EHBP1: variants seen among roughly 807,000 people sequenced by gnomAD.
EHBP1 encodes EH domain-binding protein 1.
EHBP1 carries 55 observed loss-of-function variants against 144.0 expected under a neutral mutation model. The observed-to-expected ratio is 0.38, with a 90% CI of 0.31 to 0.48. The LOEUF is 0.48. Among genes scored for constraint, EHBP1 ranks in the 20% least tolerant of loss-of-function variants. The probability of loss-of-function intolerance (pLI) is 0.98; values close to 1 mark genes in which losing one functional copy is unlikely to be tolerated. For synonymous variants in EHBP1, 469 were observed against 472.7 expected (o/e 0.99, Z 0.10); for missense variants, 1,200 against 1,364.2 (o/e 0.88, Z 1.90).
chr2:62,927,526 A>G (rs1158470584), intron 10 of EHBP1, among the ~76,000 whole-genome samples: 3 of 152,214 alleles, frequency 2.0e-5, no homozygotes, highest in Non-Finnish European at 2.9e-5. Flanking sequence ...GACAAAGGAC[A>G]TTATATATTA....
chr2:62,923,683 A>G (rs1389817637), intron 10 of EHBP1, among the ~76,000 whole-genome samples: 1 of 152,160 alleles, frequency 6.6e-6, no homozygotes, highest in Non-Finnish European at 1.5e-5. Flanking sequence ...CAATCTTAGG[A>G]GCATAAGGTG....
intron 15 of EHBP1, among the ~76,000 whole-genome samples, chr2:62,984,569 G>A (rs1209938009): frequency 2.6e-5 from 4 of 152,178 alleles, no homozygotes; most frequent in Non-Finnish European, 4.4e-5. Context: ...ATGCACTTCA[G>A]TTCTGTAAGA....
chr2:62,683,702 C>A (rs543600339), intron 1 of EHBP1, among the ~76,000 whole-genome samples: 2 of 147,198 alleles, frequency 1.4e-5, no homozygotes, highest in South Asian at 4.4e-4. Flanking sequence ...GTAAGGTCAG[C>A]ACCTAAACTA....
chr2:62,737,366 C>T (rs905841312), intron 2 of EHBP1, among the ~76,000 whole-genome samples: 14 of 152,164 alleles, frequency 9.2e-5, no homozygotes, highest in African/African-American at 7.2e-5. Flanking sequence ...CTTTCCCCCG[C>T]GACTGGGTCC....
intron 2 of EHBP1, among the ~76,000 whole-genome samples, chr2:62,740,057 C>G (rs932343639): frequency 6.6e-6 from 1 of 151,796 alleles, no homozygotes; most frequent in African/African-American, 2.4e-5. Flanking sequence ...TGCCAAACTT[C>G]AAACTATGTT....
intron 19 of EHBP1, among the ~76,000 whole-genome samples, chr2:62,997,427 CATGTGTGTGTGTGTGTGTGTGT>C (rs1447398154): frequency 4.3e-5 from 6 of 139,868 alleles, no homozygotes; most frequent in South Asian, 2.4e-4. Context: ...GAAAGGAACT[CATGTGTGTGTGTGTGTGTGTGT>C]GTGTGTGTGT....
chr2:62,867,251 A>G (rs770344814), intron 9 of EHBP1, among the ~76,000 whole-genome samples: 3 of 152,170 alleles, frequency 2.0e-5, no homozygotes, highest in Non-Finnish European at 4.4e-5. Context: ...TAGCAGAATG[A>G]AAGGATACTG....
intron 1 of EHBP1, among the ~76,000 whole-genome samples, chr2:62,680,020 C>T (rs1465369695): frequency 6.6e-6 from 1 of 152,220 alleles, no homozygotes; most frequent in Non-Finnish European, 1.5e-5. Flanking sequence ...GGAAACTTTT[C>T]TCCCAAATGT....
chr2:62,860,928 C>A (rs2049476098), intron 8 of EHBP1, among the ~76,000 whole-genome samples: 1 of 151,830 alleles, frequency 6.6e-6, no homozygotes, highest in Admixed American at 6.6e-5. Flanking sequence ...AAATATATGC[C>A]TATTAGAGTC....
intron 2 of EHBP1, among the ~76,000 whole-genome samples, chr2:62,727,019 C>T (rs1163175439): frequency 1.3e-5 from 2 of 152,122 alleles, no homozygotes; most frequent in African/African-American, 4.8e-5. Context: ...CATGCCACCA[C>T]GCCCGACTAA....
At chr2:62,922,982 G>T (rs1008510692) in intron 10 of EHBP1, among the ~76,000 whole-genome samples, 1 of 152,172 alleles carries the variant, frequency 6.6e-6, no homozygotes, top group Admixed American at 6.5e-5. Flanking sequence ...TCATGCAGCT[G>T]CATTGCCCCA....
At chr2:62,944,652 T>C (rs1009835096) in intron 12 of EHBP1, among the ~76,000 whole-genome samples, 2 of 152,212 alleles carry the variant, frequency 1.3e-5, no homozygotes, top group Non-Finnish European at 2.9e-5. Flanking sequence ...TATATTGAGA[T>C]CAGAACTTCC....
chr2:62,732,188 CTA>C (rs2037667870), intron 2 of EHBP1, among the ~76,000 whole-genome samples: 1 of 152,120 alleles, frequency 6.6e-6, no homozygotes, highest in Non-Finnish European at 1.5e-5. Flanking sequence ...TGTAGTGTGA[CTA>C]TGATATGCCT....
At chr2:62,880,429 C>T (rs984137183) in intron 10 of EHBP1, among the ~76,000 whole-genome samples, 1 of 147,912 alleles carries the variant, frequency 6.8e-6, no homozygotes. Context: ...AAACAAAAAA[C>T]AAAAAACAAA....
At chr2:62,783,193 G>C (rs1328453659) in intron 5 of EHBP1, among the ~76,000 whole-genome samples, 1 of 152,194 alleles carries the variant, frequency 6.6e-6, no homozygotes, top group Admixed American at 6.5e-5. Flanking sequence ...TCACAGACTT[G>C]GGCAGCTCCA....
At chr2:62,750,706 G>T (rs187751228) in intron 3 of EHBP1, among the ~76,000 whole-genome samples, 1 of 152,136 alleles carries the variant, frequency 6.6e-6, no homozygotes, top group African/African-American at 2.4e-5. Context: ...CACATCCCTT[G>T]TAAGTTGGAT....
At chr2:62,799,420 T>C (rs1170883273) in intron 5 of EHBP1, among the ~76,000 whole-genome samples, 1 of 152,216 alleles carries the variant, frequency 6.6e-6, no homozygotes, top group Non-Finnish European at 1.5e-5. Context: ...AATAGTTAAT[T>C]ATGACTTTTA....
intron 7 of EHBP1, among the ~76,000 whole-genome samples, chr2:62,834,021 G>A (rs1355455327): frequency 6.6e-6 from 1 of 152,180 alleles, no homozygotes; most frequent in Non-Finnish European, 1.5e-5. Context: ...TGGAAAAATA[G>A]CAAGAGGATC....
intron 4 of EHBP1, among the ~76,000 whole-genome samples, chr2:62,766,814 A>G (rs1312127381): frequency 1.3e-5 from 2 of 152,156 alleles, no homozygotes; most frequent in South Asian, 2.1e-4. Flanking sequence ...TTCATCATAC[A>G]TTTATTTGGA....
Sources: allele counts gnomAD v4.1 joint callset (sites outside exome capture counted in the v4.1 genomes callset), GRCh38; gene constraint gnomAD v4.1.1; transcripts MANE v1.5; gene names NCBI Gene and HGNC (gene_info 2026-07-23, HGNC 2026-07-21).